The following FSTL4 variants were observed in gnomAD, a reference collection of about 807,000 sequenced individuals.
The protein encoded by FSTL4 is follistatin like 4.
FSTL4 carries 28 observed loss-of-function variants against 78.2 expected under a neutral mutation model. The ratio of observed to expected loss-of-function variants is 0.36; its 90% confidence interval spans 0.27 to 0.49. FSTL4 has a LOEUF of 0.49. Ranked by LOEUF, FSTL4 falls within the 20% of genes least tolerant of loss-of-function variation. The pLI, the probability that FSTL4 is intolerant of heterozygous loss-of-function variation, is 0.98. For missense variants in FSTL4, 922 were observed against 1,084.9 expected, an observed-to-expected ratio of 0.85 and a Z score of 2.11; for synonymous variants, 422 against 440.5, an observed-to-expected ratio of 0.96 and a Z score of 0.53.
At chr5:133,370,488 C>T (rs951450781) in intron 4 of FSTL4, among the ~76,000 whole-genome samples, 2 of 151,992 alleles carry the variant, frequency 1.3e-5, no homozygotes, top group African/African-American at 4.8e-5. Context: ...CAAAGTAAGA[C>T]AGGGGTCCCA....
chr5:133,542,898 G>T (rs1759505853), intron 3 of FSTL4, among the ~76,000 whole-genome samples: 1 of 147,116 alleles, frequency 6.8e-6, no homozygotes, highest in African/African-American at 2.5e-5. Context: ...TCAGCCTTTG[G>T]CTTTGTTGAA....
At chr5:133,755,950 C>T in the FSTL4 span, among the ~76,000 whole-genome samples, 2 of 152,216 alleles carry the variant, frequency 1.3e-5, no homozygotes, top group African/African-American at 4.8e-5. Context: ...CCTACTATGT[C>T]CCAGGTTGCA....
At chr5:133,687,354 C>A in the FSTL4 span, among the ~76,000 whole-genome samples, 1 of 152,210 alleles carries the variant, frequency 6.6e-6, no homozygotes, top group Admixed American at 6.5e-5. Context: ...ATTCAACCAG[C>A]CCCTCTTATC....
At chr5:133,635,411 C>T in the FSTL4 span, among the ~76,000 whole-genome samples, 1,792 of 152,350 alleles carry the variant, frequency 0.012, 35 homozygotes, top group African/African-American at 0.041. Context: ...ATGACAGCTA[C>T]ATCCCTGATA....
chr5:133,664,183 G>C, the FSTL4 span, among the ~76,000 whole-genome samples: 1 of 152,120 alleles, frequency 6.6e-6, no homozygotes, highest in Non-Finnish European at 1.5e-5. Flanking sequence ...ATGATCACGT[G>C]TCAAGGAGGC....
intron 3 of FSTL4, among the ~76,000 whole-genome samples, chr5:133,515,375 A>G (rs1269221774): frequency 1.3e-5 from 2 of 151,992 alleles, no homozygotes; most frequent in Non-Finnish European, 2.9e-5. Flanking sequence ...CTGAGCAACA[A>G]AGTGAGAACC....
At chr5:133,265,216 C>T (rs1016218219) in intron 6 of FSTL4, among the ~76,000 whole-genome samples, 1 of 152,124 alleles carries the variant, frequency 6.6e-6, no homozygotes, top group Non-Finnish European at 1.5e-5. Flanking sequence ...CCTGCCAGCA[C>T]CTGATTTCCA....
At chr5:133,807,626 G>C in the FSTL4 span, among the ~76,000 whole-genome samples, 1 of 152,226 alleles carries the variant, frequency 6.6e-6, no homozygotes, top group Non-Finnish European at 1.5e-5. Context: ...CCAGCAAAGA[G>C]CTGTAGGTAT....
chr5:133,266,712 C>T (rs930873169), intron 6 of FSTL4: 6 of 152,324 alleles, frequency 3.9e-5, no homozygotes, highest in African/African-American at 1.4e-4. Flanking sequence ...CACTCCTGTC[C>T]TCTGCTTGCC....
At chr5:133,444,296 A>C (rs991557477) in intron 3 of FSTL4, among the ~76,000 whole-genome samples, 24 of 152,334 alleles carry the variant, frequency 1.6e-4, no homozygotes, top group African/African-American at 5.8e-4. Context: ...TGATGGTTAG[A>C]AGCACTGAGC....
chr5:133,389,446 G>A (rs1755786117), intron 4 of FSTL4, among the ~76,000 whole-genome samples: 1 of 152,188 alleles, frequency 6.6e-6, no homozygotes, highest in Non-Finnish European at 1.5e-5. Context: ...TCTGCAGGTG[G>A]GTGGGAAGGA....
chr5:133,272,858 G>A (rs940661567), intron 6 of FSTL4, among the ~76,000 whole-genome samples: 1 of 152,226 alleles, frequency 6.6e-6, no homozygotes, highest in Non-Finnish European at 1.5e-5. Flanking sequence ...ATGAAAACTT[G>A]GGCCATCTGT....
chr5:133,799,048 T>G, the FSTL4 span, among the ~76,000 whole-genome samples: 26 of 104,810 alleles, frequency 2.5e-4, no homozygotes, highest in Admixed American at 3.0e-4. Context: ...GGGAGGAAGG[T>G]AGAGAGGAAA....
intron 3 of FSTL4, among the ~76,000 whole-genome samples, chr5:133,513,246 G>T (rs1471685518): frequency 6.6e-6 from 1 of 152,126 alleles, no homozygotes; most frequent in Non-Finnish European, 1.5e-5. Context: ...GAATATCTTG[G>T]TATACTTATA....
the FSTL4 span, among the ~76,000 whole-genome samples, chr5:133,678,889 T>C: frequency 6.6e-6 from 1 of 151,780 alleles, no homozygotes; most frequent in South Asian, 2.1e-4. Flanking sequence ...CTGAGAGAAG[T>C]GGGAGGGTGG....
At chr5:133,805,468 A>T in the FSTL4 span, among the ~76,000 whole-genome samples, 1 of 152,188 alleles carries the variant, frequency 6.6e-6, no homozygotes, top group Non-Finnish European at 1.5e-5. Flanking sequence ...ATATGAAAAG[A>T]AATGTGCAGA....
At chr5:133,206,951 CT>C (rs980435242) in intron 14 of FSTL4, among the ~76,000 whole-genome samples, 3 of 151,890 alleles carry the variant, frequency 2.0e-5, no homozygotes, top group Non-Finnish European at 2.9e-5. Context: ...TTTTTCTTTG[CT>C]TTTGAGACCA....
At chr5:133,688,121 G>GT in the FSTL4 span, among the ~76,000 whole-genome samples, 2 of 152,176 alleles carry the variant, frequency 1.3e-5, no homozygotes, top group Non-Finnish European at 2.9e-5. Context: ...AAAATTGGTG[G>GT]TTCTAGGCCG....
chr5:133,233,340 GGA>G (rs1751552308), intron 8 of FSTL4, 75 bp downstream of exon 8: 2 of 1,488,660 alleles, frequency 1.3e-6, no homozygotes, highest in African/African-American at 2.8e-5. Flanking sequence ...ACAGAATACA[GGA>G]GGGGGCGAGG....
Sources: allele counts gnomAD v4.1 joint callset (sites outside exome capture counted in the v4.1 genomes callset), GRCh38; gene constraint gnomAD v4.1.1; transcripts MANE v1.5; gene names NCBI Gene and HGNC (gene_info 2026-07-23, HGNC 2026-07-21).